Variants in POLE observed in about 807,000 individuals in gnomAD.
The protein encoded by POLE is DNA polymerase epsilon catalytic subunit A.
Under a neutral mutation model 279.2 loss-of-function variants are expected in POLE, and 188 were observed. That is an observed-to-expected ratio of 0.67 (90% CI 0.60 to 0.76). POLE has a LOEUF of 0.76. Ranked by LOEUF, POLE falls within the 30% of genes least tolerant of loss-of-function variation. The probability of loss-of-function intolerance (pLI) is 0.00; values close to 1 mark genes in which losing one functional copy is unlikely to be tolerated. For missense variants in POLE, 2,703 were observed against 3,016.7 expected, an observed-to-expected ratio of 0.90 and a Z score of 2.44; for synonymous variants, 1,214 against 1,172.5, an observed-to-expected ratio of 1.04 and a Z score of -0.72.
chr12:132,635,542 C>T (rs778308334), intron 42 of POLE, among the ~76,000 whole-genome samples: 59 of 152,284 alleles, frequency 3.9e-4, no homozygotes, highest in Non-Finnish European at 7.9e-4. Context: ...TCTGCAACCA[C>T]TGCTCCACTG....
In POLE at chr12:132,672,281, C is replaced by T. The variant is rs1593069434; in HGVS notation, c.1728G>A (p.Lys576=). 1.9e-5 allele frequency: 30 copies of T among 1,614,224 alleles called. No homozygotes were observed. The highest frequency in any genetic ancestry group is 2.5e-5 in the Non-Finnish European group (30 of 1,180,032). Residue 576 remains lysine, a synonymous_variant, in exon 16 of 49, where the codon AAG becomes AAA. Transcript: ENST00000320574. ...CTTCCTCAAGGGCGTGGCGCAAGGT[C>T]TTCTCAACCCGCTGCAGCAGGAAGT... ...AFDFLLQRVE[K]TLRHALEEEE...
At chr12:132,643,741 T>A (rs2138556285) in intron 33 of POLE, 96 bp downstream of exon 33, 2 of 1,485,988 alleles carry the variant, frequency 1.3e-6, no homozygotes, top group Admixed American at 1.9e-5. Flanking sequence ...CCACTGTCGC[T>A]GCTGTTCCCC....
chr12:132,636,441 GAAAAAAAAAAAAAAA>G (rs60289510), intron 41 of POLE, among the ~76,000 whole-genome samples: 1 of 44,446 alleles, frequency 2.2e-5, no homozygotes, highest in Non-Finnish European at 4.0e-5. Flanking sequence ...TCCATTTAAG[GAAAAAAAAAAAAAAA>G]AAAAAAAAAA....
At chr12:132,672,495 C>A in intron 15 of POLE, 132 bp downstream of exon 15, 3 of 1,112,578 alleles carry the variant, frequency 2.7e-6, no homozygotes, top group Non-Finnish European at 3.9e-6. Flanking sequence ...GGTGCTGGGC[C>A]AGAGAAGCCA....
intron 3 of POLE, 181 bp from the exon 4 acceptor site, chr12:132,680,403 G>A (rs569726505): frequency 7.1e-5 from 48 of 672,358 alleles, no homozygotes; most frequent in African/African-American, 1.4e-4. Context: ...TGAAAGACAC[G>A]CTACTTCTCA....
At chr12:132,630,113 A>T (rs1025999618) in intron 45 of POLE, among the ~76,000 whole-genome samples, 1 of 152,182 alleles carries the variant, frequency 6.6e-6, no homozygotes, top group African/African-American at 2.4e-5. Flanking sequence ...CCCCAAAACA[A>T]TTGCCATAGA....
intron 29 of POLE, among the ~76,000 whole-genome samples, chr12:132,653,669 T>C (rs193296924): frequency 2.0e-5 from 3 of 152,368 alleles, no homozygotes; most frequent in Admixed American, 1.3e-4. Flanking sequence ...ATTCTTTTTC[T>C]GGTTTAATTA....
chr12:132,635,858 A>C, intron 42 of POLE, 34 bp downstream of exon 42: 2 of 1,587,532 alleles, frequency 1.3e-6, no homozygotes, highest in Non-Finnish European at 1.7e-6. Flanking sequence ...CGACCCCCAA[A>C]GCTGGCTCGG....
intron 45 of POLE, among the ~76,000 whole-genome samples, chr12:132,632,062 C>G (rs747288132): frequency 5.9e-5 from 9 of 152,206 alleles, no homozygotes; most frequent in Non-Finnish European, 1.2e-4. Context: ...TAACTTACAC[C>G]TGCTCCTCAC....
At chr12:132,667,723 T>G (rs2135972083) in intron 19 of POLE, 75 bp from the exon 20 acceptor site, 2 of 1,473,086 alleles carry the variant, frequency 1.4e-6, no homozygotes, top group Non-Finnish European at 1.9e-6. Context: ...ACAGGGGTGC[T>G]GAAGAACATG....
In POLE at chr12:132,664,413, C is replaced by A. The variant is rs2135958250; in HGVS notation, c.2518G>T (p.Ala840Ser). 2 of 1,614,100 alleles carry A rather than the reference C, an allele frequency of 1.2e-6. No individual in the cohort carries two copies. Among genetic ancestry groups the A allele is most frequent in the Non-Finnish European group, 1.7e-6 (2 of 1,180,034 alleles). Residue 840 changes from alanine to serine, a missense_variant, in exon 22 of 49, where the codon GCC (alanine) becomes TCC (serine). By Grantham distance (99) the Ala-to-Ser change is moderately conservative (BLOSUM62 1). Coordinates refer to ENST00000320574, the MANE Select transcript of POLE (RefSeq NM_006231.4). This position sits in a 1 kb window ranked among gnomAD's most constrained non-coding sequence, Gnocchi z 5.3. ...TCCCGTGCCTGGGTGATGATGTTGG[C>A]CCCTGTGAAGCAGACGATGCCAGCC... ...EMAGIVCFTGANIITQARELI... is the reference protein window; with the variant it reads ...EMAGIVCFTGSNIITQARELI...
At chr12:132,669,801 C>T (rs1159988055) in intron 16 of POLE, among the ~76,000 whole-genome samples, 1 of 152,232 alleles carries the variant, frequency 6.6e-6, no homozygotes, top group Non-Finnish European at 1.5e-5. Flanking sequence ...TGAGCCCCTG[C>T]TGACATCCCC....
intron 9 of POLE, 74 bp from the exon 10 acceptor site, chr12:132,676,278 C>T: frequency 1.0e-6 from 1 of 969,906 alleles, no homozygotes; most frequent in South Asian, 1.3e-5. Flanking sequence ...ACCCTGCCCA[C>T]ACACTCTGCC....
rs2041987101 is a variant in POLE at position 132,634,098 on chromosome 12, C to T, written c.6004+88G>A. The T allele has an allele frequency of 2.4e-6, 3 of 1,233,282 alleles. No homozygotes were observed. The Admixed American group carries it at 6.3e-5, about 26-fold the overall frequency. 76.4% of individuals were successfully genotyped at this position (1,233,282 alleles called of 1,614,324 possible). Reference sequence around the variant, plus strand: ...GCCCGATCTGATTTTCCCTGTCTCCCTTCTTGCGATACCATGGCACAGGAG... The same window carrying T: ...GCCCGATCTGATTTTCCCTGTCTCCTTTCTTGCGATACCATGGCACAGGAG... On this transcript the variant is annotated intron_variant, in intron 43 of 48. Transcript: ENST00000320574. The surrounding 1 kb of genome is among the most constrained non-coding windows in gnomAD (Gnocchi z 4.0).
intron 45 of POLE, among the ~76,000 whole-genome samples, chr12:132,631,496 T>C (rs1361233619): frequency 6.6e-6 from 1 of 152,222 alleles, no homozygotes; most frequent in Non-Finnish European, 1.5e-5. Context: ...AAACACTTCT[T>C]CACCACAACC....
intron 15 of POLE, 42 bp from the exon 16 acceptor site, chr12:132,672,364 C>A (rs371116259): frequency 6.8e-7 from 1 of 1,471,512 alleles, no homozygotes; most frequent in Non-Finnish European, 9.5e-7. Flanking sequence ...GGGAAACACA[C>A]CCACACTAGC....
chr12:132,677,995 C>T (rs1419250303), intron 6 of POLE, among the ~76,000 whole-genome samples: 2 of 151,938 alleles, frequency 1.3e-5, no homozygotes, highest in East Asian at 3.9e-4. Context: ...CTGGCCAACA[C>T]GACGAAACCT....
At chr12:132,669,716 G>A (rs541066349) in intron 16 of POLE, among the ~76,000 whole-genome samples, 3 of 152,254 alleles carry the variant, frequency 2.0e-5, no homozygotes, top group Admixed American at 2.0e-4. Context: ...GTCAAGAAGG[G>A]GAGGATGGGC....
At chr12:132,669,700 T>C (rs2042880645) in intron 16 of POLE, among the ~76,000 whole-genome samples, 1 of 152,194 alleles carries the variant, frequency 6.6e-6, no homozygotes, top group Admixed American at 6.5e-5. Context: ...TCTGAAAGGC[T>C]GTCCAGTCAA....
Sources: gnomAD v4.1 joint callset for allele counts (sites outside exome capture counted in the v4.1 genomes callset) on GRCh38, gnomAD v4.1.1 for gene constraint, Gnocchi (gnomAD v3.1) non-coding constraint, MANE v1.5 for transcripts, NCBI Gene and HGNC (gene_info 2026-07-23, HGNC 2026-07-21) for gene names.